Variants in ATG10 observed in about 807,000 individuals in gnomAD.
ATG10 encodes autophagy related 10.
ATG10 carries 30 observed loss-of-function variants against 32.1 expected under a neutral mutation model. The observed-to-expected ratio is 0.94, with a 90% CI of 0.70 to 1.27. The LOEUF (loss-of-function observed/expected upper bound fraction) is 1.27, where lower values mean the gene tolerates loss of function less well. Ranked by LOEUF, ATG10 falls within the 50% of genes most tolerant of loss-of-function variation. ATG10 has a pLI of 0.00. For synonymous variants in ATG10, 87 were observed against 91.5 expected, an observed-to-expected ratio of 0.95 and a Z score of 0.28; for missense variants, 233 against 262.3, an observed-to-expected ratio of 0.89 and a Z score of 0.77.
chr5:82,126,840 A>G (rs1421777364), intron 3 of ATG10, among the ~76,000 whole-genome samples: 3 of 152,292 alleles, frequency 2.0e-5, no homozygotes, highest in Admixed American at 1.3e-4. Flanking sequence ...TGTTTGGAGT[A>G]GTTTCAGAAG....
At chr5:82,218,649 A>G (rs2149989710) in intron 5 of ATG10, among the ~76,000 whole-genome samples, 1 of 152,296 alleles carries the variant, frequency 6.6e-6, no homozygotes, top group Non-Finnish European at 1.5e-5. Flanking sequence ...ATAGTACCAC[A>G]ATAATTCCGT....
chr5:82,168,856 A>G (rs1581763980), intron 4 of ATG10, among the ~76,000 whole-genome samples: 1 of 152,226 alleles, frequency 6.6e-6, no homozygotes, highest in East Asian at 1.9e-4. Flanking sequence ...ATAAGAGGAC[A>G]TCTTTGGAGT....
intron 2 of ATG10, among the ~76,000 whole-genome samples, chr5:82,024,993 G>A (rs1762553790): frequency 6.6e-6 from 1 of 152,200 alleles, no homozygotes. Context: ...ATTGAGTTGT[G>A]TACTTTTTGA....
intron 2 of ATG10, among the ~76,000 whole-genome samples, chr5:81,988,112 A>T (rs181795641): frequency 1.2e-3 from 182 of 152,230 alleles, no homozygotes; most frequent in Admixed American, 4.1e-3. Flanking sequence ...TTAATTGGGA[A>T]TTTCCTATTA....
intron 3 of ATG10, among the ~76,000 whole-genome samples, chr5:82,071,146 C>T (rs979552647): frequency 2.0e-5 from 3 of 152,028 alleles, no homozygotes. Flanking sequence ...GGAGGTCAAC[C>T]TATGTAAATC....
At chr5:82,037,023 T>C (rs7708850) in intron 2 of ATG10, among the ~76,000 whole-genome samples, 146,476 of 148,672 alleles carry the variant, frequency 0.99, 72,185 homozygotes, top group Middle Eastern at 1. Context: ...TCCAGCTGCT[T>C]GGGAGGCTGA....
intron 5 of ATG10, among the ~76,000 whole-genome samples, chr5:82,226,273 T>C (rs1746127080): frequency 6.6e-6 from 1 of 152,190 alleles, no homozygotes; most frequent in South Asian, 2.1e-4. Context: ...GAATTGGAGA[T>C]AGGTAGTTGT....
At chr5:82,062,185 A>G (rs1245826488) in intron 3 of ATG10, among the ~76,000 whole-genome samples, 1 of 152,012 alleles carries the variant, frequency 6.6e-6, no homozygotes, top group South Asian at 2.1e-4. Context: ...TTCAACAATC[A>G]ATTTACATAG....
At chr5:82,123,078 T>C (rs1561309889) in intron 3 of ATG10, among the ~76,000 whole-genome samples, 1 of 152,206 alleles carries the variant, frequency 6.6e-6, no homozygotes, top group Non-Finnish European at 1.5e-5. Flanking sequence ...TGCAGCACTA[T>C]TCACAATAGC....
intron 5 of ATG10, among the ~76,000 whole-genome samples, chr5:82,207,587 TC>T (rs1366925679): frequency 6.6e-6 from 1 of 152,222 alleles, no homozygotes; most frequent in African/African-American, 2.4e-5. Flanking sequence ...GCCTGACTTT[TC>T]ATTTCCTTTG....
chr5:82,184,105 T>C (rs1744354171), intron 5 of ATG10, among the ~76,000 whole-genome samples: 1 of 152,102 alleles, frequency 6.6e-6, no homozygotes, highest in Admixed American at 6.6e-5. Context: ...CTTTGGGAAA[T>C]GGTAGTGCCT....
chr5:81,983,149 A>C (rs528183586), intron 1 of ATG10, among the ~76,000 whole-genome samples: 1 of 148,216 alleles, frequency 6.7e-6, no homozygotes, highest in Admixed American at 6.7e-5. Flanking sequence ...GGTGCCCCTC[A>C]CCTCCTGGAC....
At chr5:82,090,912 T>C (rs1301641141) in intron 3 of ATG10, among the ~76,000 whole-genome samples, 1 of 152,210 alleles carries the variant, frequency 6.6e-6, no homozygotes, top group Non-Finnish European at 1.5e-5. Flanking sequence ...AGGATGAAGG[T>C]GCTTTTTAAT....
chr5:82,110,972 A>T (rs1014319819), intron 3 of ATG10, among the ~76,000 whole-genome samples: 1 of 152,028 alleles, frequency 6.6e-6, no homozygotes, highest in Non-Finnish European at 1.5e-5. Context: ...ATGGTAGAAG[A>T]TCTGTCTGAA....
chr5:82,152,129 A>G (rs72776887), intron 3 of ATG10, among the ~76,000 whole-genome samples: 4,173 of 152,322 alleles, frequency 0.027, 84 homozygotes, highest in Middle Eastern at 0.044. Flanking sequence ...ACTAAATAAA[A>G]TAAGTTTAGT....
intron 2 of ATG10, among the ~76,000 whole-genome samples, chr5:82,049,500 T>G (rs571205453): frequency 5.9e-5 from 9 of 151,818 alleles, no homozygotes; most frequent in African/African-American, 1.9e-4. Flanking sequence ...TGTATGCATA[T>G]GTAACCAACC....
intron 1 of ATG10, among the ~76,000 whole-genome samples, chr5:81,983,637 G>T (rs1181342625): frequency 6.7e-6 from 1 of 150,222 alleles, no homozygotes; most frequent in Non-Finnish European, 1.5e-5. Flanking sequence ...GCCGGGCGGG[G>T]GGGCTGACCC....
intron 5 of ATG10, 40 bp downstream of exon 5, chr5:82,178,627 TA>T (rs1282971126): frequency 1.5e-6 from 2 of 1,317,710 alleles, no homozygotes; most frequent in Non-Finnish European, 2.2e-6. Flanking sequence ...CATGTTATTG[TA>T]TTCTTTCCCG....
intron 3 of ATG10, among the ~76,000 whole-genome samples, chr5:82,138,585 G>A (rs1028095497): frequency 2.0e-5 from 3 of 152,024 alleles, no homozygotes; most frequent in African/African-American, 7.2e-5. Flanking sequence ...AGATGAACTG[G>A]GTACCTCAGT....
Sources: allele counts gnomAD v4.1 joint callset (sites outside exome capture counted in the v4.1 genomes callset), GRCh38; gene constraint gnomAD v4.1.1; transcripts MANE v1.5; gene names NCBI Gene and HGNC (gene_info 2026-07-23, HGNC 2026-07-21).